The following GAPVD1 variants were observed in gnomAD, a reference collection of about 807,000 sequenced individuals.
The protein encoded by GAPVD1 is GTPase activating protein and VPS9 domains 1, also known as GTPase-activating protein and VPS9 domain-containing protein 1.
In GAPVD1, 35 loss-of-function variants were observed where a neutral mutation model predicts 155.5. The ratio of observed to expected loss-of-function variants is 0.23; its 90% CI spans 0.17 to 0.30. GAPVD1 has a LOEUF of 0.30. Among genes scored for constraint, GAPVD1 ranks in the 10% least tolerant of loss-of-function variants. The pLI is 1.00. For synonymous variants in GAPVD1, 636 were observed against 619.7 expected (o/e 1.03, Z -0.39); for missense variants, 1,429 against 1,775.7 (o/e 0.80, Z 3.51).
intron 8 of GAPVD1, among the ~76,000 whole-genome samples, chr9:125,310,415 A>G (rs1455941113): frequency 6.6e-6 from 1 of 152,148 alleles, no homozygotes; most frequent in Admixed American, 6.6e-5. Flanking sequence ...CTGCTACTAT[A>G]GTTGTTTTTG....
intron 6 of GAPVD1, among the ~76,000 whole-genome samples, chr9:125,307,159 G>A (rs1841977310): frequency 6.6e-6 from 1 of 151,818 alleles, no homozygotes; most frequent in African/African-American, 2.4e-5. Context: ...CAGCTACTCG[G>A]GAGGCTGAGG....
chr9:125,363,622 T>G lies in GAPVD1; in HGVS notation c.*876T>G, dbSNP rs1851226773. 1 of 152,578 alleles carries G rather than the reference T, an allele frequency of 6.6e-6. No individual in the cohort carries two copies. Among genetic ancestry groups the G allele is most frequent in the African/African-American group, 2.4e-5 (1 of 41,440 alleles). 9.5% of individuals were successfully genotyped at this position (152,578 alleles called of 1,614,324 possible). A position where few individuals can be genotyped will look rare whatever the true frequency, so the allele number is the denominator to read the frequency against. On this transcript the variant is annotated 3_prime_UTR_variant, in exon 28 of 28. Coordinates refer to ENST00000297933, the MANE Select transcript of GAPVD1 (RefSeq NM_001282680.3). ...AGCTCATACTTTATGGTGGTTCTTC[T>G]CCTCCGAAATAATATACTGCAGAAA... is the stretch of plus-strand genomic sequence containing the variant.
intron 9 of GAPVD1, among the ~76,000 whole-genome samples, chr9:125,318,250 G>T (rs1843739791): frequency 6.6e-6 from 1 of 152,224 alleles, no homozygotes; most frequent in Non-Finnish European, 1.5e-5. Context: ...GCCTCCCAAA[G>T]TGTTGGGATT....
chr9:125,359,098 CT>C (rs918613519), intron 25 of GAPVD1, among the ~76,000 whole-genome samples: 5 of 152,094 alleles, frequency 3.3e-5, no homozygotes, highest in African/African-American at 1.2e-4. Context: ...TTTTCCCCCC[CT>C]CTCCTTTTCC....
At chr9:125,338,315 A>G (rs1847325932) in intron 17 of GAPVD1, among the ~76,000 whole-genome samples, 3 of 152,212 alleles carry the variant, frequency 2.0e-5, no homozygotes, top group Admixed American at 1.3e-4. Context: ...TAAGTTTCCT[A>G]CAAACAAGCA....
chr9:125,287,474 C>T (rs933140029), intron 2 of GAPVD1, among the ~76,000 whole-genome samples: 8 of 152,184 alleles, frequency 5.3e-5, no homozygotes, highest in African/African-American at 1.9e-4. Flanking sequence ...CGCTGCACTC[C>T]AGCCAGCCTG....
chr9:125,336,289 CCAA>C (rs1265305799), intron 15 of GAPVD1, among the ~76,000 whole-genome samples: 2 of 91,954 alleles, frequency 2.2e-5, no homozygotes, highest in Non-Finnish European at 4.2e-5. Flanking sequence ...TAGCTTGAGA[CCAA>C]AAAAAAAAAA....
chr9:125,298,670 G>A (rs1840286512), intron 3 of GAPVD1, among the ~76,000 whole-genome samples: 1 of 151,648 alleles, frequency 6.6e-6, no homozygotes, highest in Non-Finnish European at 1.5e-5. Context: ...TTGTGTTTTA[G>A]TAGAGACAGG....
chr9:125,346,554 C>T (rs989981603), intron 19 of GAPVD1: 12 of 498,748 alleles, frequency 2.4e-5, no homozygotes, highest in Non-Finnish European at 3.7e-5. Flanking sequence ...GTCATCCATT[C>T]AGTCTGCCCT....
chr9:125,280,525 T>C (rs1836618358), intron 2 of GAPVD1, among the ~76,000 whole-genome samples: 1 of 152,020 alleles, frequency 6.6e-6, no homozygotes, highest in African/African-American at 2.4e-5. Flanking sequence ...AGCACCCTTA[T>C]TCTTTACTGC....
At chr9:125,323,166 A>G (rs10986702) in intron 10 of GAPVD1, among the ~76,000 whole-genome samples, 91,098 of 151,138 alleles carry the variant, frequency 0.6, 29,497 homozygotes, top group African/African-American at 0.87. Flanking sequence ...GAGTGCAATG[A>G]TGCGATCTCA....
chr9:125,284,749 C>A (rs953640237), intron 2 of GAPVD1, among the ~76,000 whole-genome samples: 1 of 152,168 alleles, frequency 6.6e-6, no homozygotes, highest in Non-Finnish European at 1.5e-5. Flanking sequence ...GTCCCCTACT[C>A]TCCTAAGCTA....
At chr9:125,332,885 A>G (rs1846286917) in intron 15 of GAPVD1, among the ~76,000 whole-genome samples, 1 of 152,236 alleles carries the variant, frequency 6.6e-6, no homozygotes, top group Non-Finnish European at 1.5e-5. Context: ...AATGTTTTGT[A>G]TTGGCAGAAA....
intron 6 of GAPVD1, among the ~76,000 whole-genome samples, chr9:125,306,482 T>C (rs1159496546): frequency 6.6e-6 from 1 of 152,212 alleles, no homozygotes; most frequent in African/African-American, 2.4e-5. Context: ...TGTTGTGTTA[T>C]GTTTGTCTCC....
At position 125,337,021 on chromosome 9, in the gene GAPVD1, C is replaced by A; in HGVS notation, c.2432C>A (p.Ala811Asp). Residue 811 changes from alanine (A) to aspartate (D), a missense_variant, in exon 16 of 28, where the codon GCC (alanine) becomes GAC (aspartate). By Grantham distance (126) the Ala-to-Asp change is moderately radical. Coordinates refer to ENST00000297933, the MANE Select transcript of GAPVD1 (RefSeq NM_001282680.3). ...CACAGTTTCCCTCCTGTTTTAGGTG[C>A]CCACCAGCTGACCTCTCCTCCTTCT... is the stretch of plus-strand genomic sequence containing the variant. Reference protein sequence around the residue: ...SPDMDEITHGAHQLTSPPSQS... With the variant: ...SPDMDEITHGDHQLTSPPSQS... The A allele has an allele frequency of 1.2e-6, 2 of 1,604,076 alleles. No homozygotes were observed. The highest frequency in any genetic ancestry group is 1.7e-6 in the Non-Finnish European group (2 of 1,170,996).
chr9:125,283,146 G>A (rs1279074163), intron 2 of GAPVD1, among the ~76,000 whole-genome samples: 3 of 150,760 alleles, frequency 2.0e-5, no homozygotes, highest in East Asian at 2.0e-4. Context: ...CACAGCCTCC[G>A]CCTCCCAGGT....
chr9:125,312,699 A>G lies in GAPVD1; in HGVS notation c.1602+87A>G. The G allele has an allele frequency of 4.5e-6, 4 of 898,018 alleles. No homozygotes were observed. The South Asian group carries it at 7.7e-5, about 17-fold the overall frequency. The allele number at this position is 898,018 out of a possible 1,614,324, so 55.6% of individuals were successfully genotyped here. On this transcript the variant is annotated intron_variant, in intron 9 of 27. Coordinates refer to ENST00000297933, the MANE Select transcript of GAPVD1 (RefSeq NM_001282680.3). ...CAAAACACCAGAGGTTGGGTGGCTT[A>G]TAAACAACAGATATTTATTTCTCAC...
intron 12 of GAPVD1, among the ~76,000 whole-genome samples, chr9:125,328,127 A>G (rs1845463707): frequency 6.6e-6 from 1 of 151,846 alleles, no homozygotes; most frequent in Non-Finnish European, 1.5e-5. Context: ...TGTTTTTAAC[A>G]CAGACGTATA....
intron 2 of GAPVD1, among the ~76,000 whole-genome samples, chr9:125,277,935 T>C (rs1836073610): frequency 1.3e-5 from 2 of 152,134 alleles, no homozygotes; most frequent in Admixed American, 6.6e-5. Flanking sequence ...CCCGAAGTGT[T>C]GGGATTATAA....
Sources: allele counts gnomAD v4.1 joint callset (sites outside exome capture counted in the v4.1 genomes callset), GRCh38; gene constraint gnomAD v4.1.1; transcripts MANE v1.5; gene names NCBI Gene and HGNC (gene_info 2026-07-23, HGNC 2026-07-21).